NFKB1: variants seen among roughly 807,000 people sequenced by gnomAD.
NFKB1 encodes nuclear factor NF-kappa-B p105 subunit.
In NFKB1, 9 loss-of-function variants were observed where a neutral mutation model predicts 105.1. The ratio of observed to expected loss-of-function variants is 0.09; its 90% CI spans 0.05 to 0.15. The LOEUF (loss-of-function observed/expected upper bound fraction) is 0.15. NFKB1 is among the 10% of genes least tolerant of loss of function. The pLI is 1.00. For missense variants in NFKB1, 830 were observed against 1,203.7 expected, an observed-to-expected ratio of 0.69 and a Z score of 4.59; for synonymous variants, 440 against 442.2, an observed-to-expected ratio of 1.00 and a Z score of 0.06.
intron 23 of NFKB1, 27 bp downstream of exon 23, chr4:102,613,608 A>T: frequency 6.2e-7 from 1 of 1,604,032 alleles, no homozygotes; most frequent in Non-Finnish European, 8.5e-7. Context: ...AAGACAGTGG[A>T]GATATTTTCC....
chr4:102,548,121 G>T (rs1722279159), intron 5 of NFKB1, among the ~76,000 whole-genome samples: 1 of 152,096 alleles, frequency 6.6e-6, no homozygotes, highest in Non-Finnish European at 1.5e-5. Context: ...CACACACCAA[G>T]ATCAGGGAGC....
intron 1 of NFKB1, among the ~76,000 whole-genome samples, chr4:102,507,464 T>A (rs1443162028): frequency 6.6e-6 from 1 of 152,126 alleles, no homozygotes; most frequent in Non-Finnish European, 1.5e-5. Context: ...ATTTATTTTT[T>A]ATTTTTTATT....
At chr4:102,506,339 C>T (rs932872743) in intron 1 of NFKB1, among the ~76,000 whole-genome samples, 1 of 152,072 alleles carries the variant, frequency 6.6e-6, no homozygotes, top group African/African-American at 2.4e-5. Context: ...ATTAATCAAC[C>T]AAAAAGTTAA....
chr4:102,502,607 G>A (rs28677850), intron 1 of NFKB1, among the ~76,000 whole-genome samples: 30 of 152,076 alleles, frequency 2.0e-4, no homozygotes, highest in Non-Finnish European at 4.0e-4. Context: ...TAAAAACAAG[G>A]CCTATCCTAA....
rs770490082 is a variant in NFKB1, at chr4:102,576,869, T to C, written c.408-7T>C. 5.0e-6 allele frequency: 8 copies of C among 1,602,702 alleles called. No homozygotes were observed. The highest frequency in any genetic ancestry group is 3.4e-5 in the South Asian group (3 of 88,648). On this transcript the variant is annotated splice_polypyrimidine_tract_variant and splice_region_variant and intron_variant, in intron 6 of 23. Transcript: ENST00000226574. Reference sequence around the variant, plus strand: ...TGTTGCTGCTGCTGTTACTGTTTTTTCTCCAGCTTCGCAAACCTGGGTATA... The same window carrying C: ...TGTTGCTGCTGCTGTTACTGTTTTTCCTCCAGCTTCGCAAACCTGGGTATA...
intron 7 of NFKB1, 114 bp downstream of exon 7, chr4:102,577,153 A>G: frequency 9.1e-7 from 1 of 1,101,154 alleles, no homozygotes; most frequent in Non-Finnish European, 1.3e-6. Flanking sequence ...CACTGCTGTC[A>G]CCTTTTCCTT....
At chr4:102,593,898 G>T (rs4648052) in intron 12 of NFKB1, among the ~76,000 whole-genome samples, 58,735 of 151,840 alleles carry the variant, frequency 0.39, 11,585 homozygotes, top group East Asian at 0.48. Flanking sequence ...TGAAAAGATT[G>T]TATATTATCA....
At chr4:102,544,017 T>G (rs562974975) in intron 5 of NFKB1, among the ~76,000 whole-genome samples, 1 of 152,282 alleles carries the variant, frequency 6.6e-6, no homozygotes, top group South Asian at 2.1e-4. Flanking sequence ...AGCTGCTTAT[T>G]GAACAGAAGG....
chr4:102,608,568 T>G (rs1220864867), intron 19 of NFKB1, among the ~76,000 whole-genome samples: 1 of 152,176 alleles, frequency 6.6e-6, no homozygotes, highest in African/African-American at 2.4e-5. Flanking sequence ...TCTTTGAATC[T>G]CCAGTGCCTT....
chr4:102,523,684 C>A (rs532748373), intron 1 of NFKB1, among the ~76,000 whole-genome samples: 10 of 152,288 alleles, frequency 6.6e-5, no homozygotes, highest in Admixed American at 3.9e-4. Flanking sequence ...GTTCAGGGAT[C>A]CTCATTCCTT....
At chr4:102,511,077 T>G in intron 1 of NFKB1, 6 of 509,094 alleles carry the variant, frequency 1.2e-5, no homozygotes, top group Non-Finnish European at 1.7e-5. Flanking sequence ...TAGTGTGATT[T>G]TTATTTTTTT....
At chr4:102,523,686 T>G (rs1740712858) in intron 1 of NFKB1, among the ~76,000 whole-genome samples, 1 of 152,224 alleles carries the variant, frequency 6.6e-6, no homozygotes, top group Non-Finnish European at 1.5e-5. Context: ...TCAGGGATCC[T>G]CATTCCTTCC....
chr4:102,613,702 G>A, intron 23 of NFKB1, 121 bp downstream of exon 23: 1 of 1,176,122 alleles, frequency 8.5e-7, no homozygotes, highest in Non-Finnish European at 1.2e-6. Flanking sequence ...ACTTCCCTGT[G>A]TGTCTCTCTA....
chr4:102,609,966 A>G (rs995916788), intron 19 of NFKB1, among the ~76,000 whole-genome samples: 41 of 152,082 alleles, frequency 2.7e-4, no homozygotes, highest in African/African-American at 9.4e-4. Context: ...TGTTTTGTTT[A>G]TTTGTTTGTT....
chr4:102,526,198 T>C (rs1009613267), intron 2 of NFKB1, among the ~76,000 whole-genome samples: 2 of 152,172 alleles, frequency 1.3e-5, no homozygotes, highest in African/African-American at 4.8e-5. Context: ...TAAAGTCACA[T>C]TCACAGGTAC....
At chr4:102,545,217 C>T (rs1261074451) in intron 5 of NFKB1, among the ~76,000 whole-genome samples, 1 of 152,126 alleles carries the variant, frequency 6.6e-6, no homozygotes, top group Non-Finnish European at 1.5e-5. Flanking sequence ...GGCTACCCTG[C>T]AGTCTCAGTC....
chr4:102,574,854 A>G (rs915217756), intron 6 of NFKB1, among the ~76,000 whole-genome samples: 1 of 152,192 alleles, frequency 6.6e-6, no homozygotes, highest in African/African-American at 2.4e-5. Context: ...TTATTCACAT[A>G]ATAAATTAAT....
chr4:102,555,895 C>G (rs957418583), intron 5 of NFKB1, among the ~76,000 whole-genome samples: 2 of 152,146 alleles, frequency 1.3e-5, no homozygotes, highest in African/African-American at 2.4e-5. Context: ...GACTACAAAT[C>G]TGGTAGCAAT....
At chr4:102,602,529 G>A (rs1208436484) in intron 16 of NFKB1, among the ~76,000 whole-genome samples, 7 of 148,014 alleles carry the variant, frequency 4.7e-5, no homozygotes, top group Non-Finnish European at 3.0e-5. Context: ...ACAGAGTGAC[G>A]CTCTGTCTCA....
Sources: gnomAD v4.1 joint callset for allele counts (sites outside exome capture counted in the v4.1 genomes callset) on GRCh38, gnomAD v4.1.1 for gene constraint, MANE v1.5 for transcripts, NCBI Gene and HGNC (gene_info 2026-07-23, HGNC 2026-07-21) for gene names.